The following SELENOT variants were observed in gnomAD, a reference collection of about 807,000 sequenced individuals.
SELENOT encodes the protein selenoprotein T, also known as thioredoxin reductase-like selenoprotein T.
Under a neutral mutation model 24.3 loss-of-function variants are expected in SELENOT, and 9 were observed. The ratio of observed to expected loss-of-function variants is 0.37; its 90% CI spans 0.22 to 0.65. SELENOT has a LOEUF of 0.65. Ranked by LOEUF, SELENOT falls within the 30% of genes least tolerant of loss-of-function variation. The probability of loss-of-function intolerance (pLI) is 0.60; values close to 1 mark genes in which losing one functional copy is unlikely to be tolerated. For synonymous variants in SELENOT, 81 were observed against 86.0 expected (o/e 0.94, Z 0.32); for missense variants, 166 against 247.6 (o/e 0.67, Z 2.21).
chr3:150,603,340 C>A lies in SELENOT; in HGVS notation c.-23C>A. The A allele has an allele frequency of 6.2e-7, 1 of 1,604,934 alleles. No individual in the cohort carries two copies. The highest frequency in any genetic ancestry group is 8.5e-7 in the Non-Finnish European group (1 of 1,173,410). The stretch of plus-strand genomic sequence containing the variant: ...CTGGCTGCAGTCTGTCTGAGGGCGG[C>A]CGAAGTGGCTGGCTCATTTAAGATG... On this transcript the variant is annotated 5_prime_UTR_variant, in exon 1 of 6. Transcript: ENST00000471696.
In SELENOT at chr3:150,627,098, T is replaced by C. The variant is rs774827078; in HGVS notation, c.552T>C (p.Asn184=). 33 of 1,613,716 alleles carry C rather than the reference T, an allele frequency of 2.0e-5. No individual in the cohort carries two copies. Among genetic ancestry groups the C allele is most frequent in the Admixed American group, 1.3e-4 (8 of 59,992 alleles). The change falls in exon 5 of 6, where the codon AAT becomes AAC. Residue 184 remains asparagine, a synonymous_variant. Transcript: ENST00000471696. ...VQILDNEMKL[N]VHMDSIPHHR... ...TTCTTGACAATGAAATGAAGCTCAA[T>C]GTGCATATGGATTCAATCCCACACC...
At chr3:150,605,125 T>G (rs914725524) in intron 1 of SELENOT, among the ~76,000 whole-genome samples, 7 of 151,940 alleles carry the variant, frequency 4.6e-5, no homozygotes. Context: ...GGGAGAATGG[T>G]TTATCCATTA....
chr3:150,613,757 C>A (rs1726149813), intron 1 of SELENOT, among the ~76,000 whole-genome samples: 1 of 138,034 alleles, frequency 7.2e-6, no homozygotes, highest in South Asian at 2.5e-4. Flanking sequence ...GCATTCATCT[C>A]ATTAGGTTCC....
Position 150,628,513 on chromosome 3 carries a change from A to G in SELENOT, c.*884A>G, listed in dbSNP as rs186605707. 133 of 152,466 alleles carry G rather than the reference A, an allele frequency of 8.7e-4. No individual in the cohort carries two copies. Among genetic ancestry groups the G allele is most frequent in the African/African-American group, 2.8e-3 (116 of 41,568 alleles). The allele number at this position is 152,466 out of a possible 1,614,324, so 9.4% of individuals were successfully genotyped here. On this transcript the variant is annotated 3_prime_UTR_variant, in exon 6 of 6. Coordinates refer to ENST00000471696, the MANE Select transcript of SELENOT (RefSeq NM_016275.5). ...TAGATACACAAATAATCGTTCATTT[A>G]CCATCTTTAGGATCATTGAAACTCA... is the stretch of plus-strand genomic sequence containing the variant.
At chr3:150,625,114 C>T (rs1287655047) in intron 4 of SELENOT, among the ~76,000 whole-genome samples, 1 of 151,296 alleles carries the variant, frequency 6.6e-6, no homozygotes, top group East Asian at 1.9e-4. Flanking sequence ...TTTATCTCTG[C>T]TTGAACTTCA....
At chr3:150,621,385 AT>A (rs907550075) in intron 1 of SELENOT, among the ~76,000 whole-genome samples, 20 of 149,422 alleles carry the variant, frequency 1.3e-4, no homozygotes, top group African/African-American at 1.7e-4. Flanking sequence ...AGTGGTTATC[AT>A]TTTTTTTTTC....
At chr3:150,609,294 A>G (rs1374636936) in intron 1 of SELENOT, among the ~76,000 whole-genome samples, 2 of 152,142 alleles carry the variant, frequency 1.3e-5, no homozygotes, top group African/African-American at 2.4e-5. Context: ...TGCTACTGCT[A>G]GTCCTTTTCC....
intron 1 of SELENOT, chr3:150,611,546 T>C (rs1410733157): frequency 3.4e-6 from 4 of 1,179,562 alleles, no homozygotes; most frequent in Non-Finnish European, 5.1e-6. Context: ...TTTCTCTTTC[T>C]TCTGTTTCGA....
intron 1 of SELENOT, among the ~76,000 whole-genome samples, chr3:150,619,892 A>G (rs993479830): frequency 3.0e-4 from 45 of 152,222 alleles, no homozygotes; most frequent in African/African-American, 1.1e-3. Flanking sequence ...CTTGGTTTTC[A>G]CAAGTCTGGA....
intron 1 of SELENOT, among the ~76,000 whole-genome samples, chr3:150,606,124 C>T (rs184982357): frequency 1.6e-4 from 23 of 142,456 alleles, no homozygotes; most frequent in Admixed American, 1.5e-3. Context: ...TTCCTATTCT[C>T]GTTTTTTTTT....
chr3:150,613,411 A>G (rs1052202534), intron 1 of SELENOT, among the ~76,000 whole-genome samples: 6 of 152,188 alleles, frequency 3.9e-5, no homozygotes, highest in African/African-American at 1.2e-4. Flanking sequence ...CTGTTAAAGC[A>G]TGTTTCTTTG....
intron 1 of SELENOT, among the ~76,000 whole-genome samples, chr3:150,620,312 A>G (rs950883924): frequency 6.6e-6 from 1 of 152,190 alleles, no homozygotes; most frequent in Non-Finnish European, 1.5e-5. Flanking sequence ...TTGTATAGGT[A>G]CCCGATGGTG....
At chr3:150,623,371 T>G (rs552243284) in intron 3 of SELENOT, among the ~76,000 whole-genome samples, 1 of 152,256 alleles carries the variant, frequency 6.6e-6, no homozygotes, top group Admixed American at 6.5e-5. Context: ...AATGATTAGG[T>G]CTTAATCTTT....
At chr3:150,611,074 T>C (rs1726079095) in intron 1 of SELENOT, among the ~76,000 whole-genome samples, 1 of 152,142 alleles carries the variant, frequency 6.6e-6, no homozygotes, top group Non-Finnish European at 1.5e-5. Context: ...TAATAACCTT[T>C]ATTTAAAATA....
intron 1 of SELENOT, among the ~76,000 whole-genome samples, chr3:150,622,054 G>A (rs546810533): frequency 3.3e-5 from 5 of 151,570 alleles, no homozygotes; most frequent in African/African-American, 1.2e-4. Flanking sequence ...AAAGTATGCT[G>A]AATGTGAATA....
rs1022284266 is a variant in SELENOT, at chr3:150,605,968, C to T, written c.137+2469C>T. ...TACCTTCATTTCCACTGACTTTTTC[C>T]CCTTATAGTGATCATGAGTATTTTA... is the stretch of plus-strand genomic sequence containing the variant. On this transcript the variant is annotated intron_variant, in intron 1 of 5. Coordinates refer to ENST00000471696, the MANE Select transcript of SELENOT (RefSeq NM_016275.5). Among the ~76,000 whole-genome samples, 4 of 152,208 alleles carry T rather than the reference C, an allele frequency of 2.6e-5. 1 individual carries two copies.
chr3:150,613,922 A>G (rs538074020), intron 1 of SELENOT, among the ~76,000 whole-genome samples: 2 of 152,292 alleles, frequency 1.3e-5, no homozygotes, highest in African/African-American at 4.8e-5. Flanking sequence ...GATGCAAAAG[A>G]TAAGTGGTAG....
chr3:150,607,865 C>T (rs567610974), intron 1 of SELENOT, among the ~76,000 whole-genome samples: 23 of 152,006 alleles, frequency 1.5e-4, no homozygotes, highest in Non-Finnish European at 3.1e-4. Context: ...TAACAAAGAC[C>T]GTTTGGTTTT....
chr3:150,614,869 T>A (rs184235945), intron 1 of SELENOT, among the ~76,000 whole-genome samples: 8,745 of 151,624 alleles, frequency 0.058, 329 homozygotes, highest in Non-Finnish European at 0.082. Context: ...ATTATTATTT[T>A]TTATTATTAT....
Sources: gnomAD v4.1 joint callset for allele counts (sites outside exome capture counted in the v4.1 genomes callset) on GRCh38, gnomAD v4.1.1 for gene constraint, MANE v1.5 for transcripts, NCBI Gene and HGNC (gene_info 2026-07-23, HGNC 2026-07-21) for gene names.